The following CNTN5 variants were observed in gnomAD, a reference collection of about 807,000 sequenced individuals.
CNTN5 encodes contactin 5, also known as contactin-5.
In CNTN5, 77 loss-of-function variants were observed where a neutral mutation model predicts 129.1. That is an observed-to-expected ratio of 0.60 (90% CI 0.50 to 0.72). The LOEUF (loss-of-function observed/expected upper bound fraction) is 0.72, where lower values mean the gene tolerates loss of function less well. Among genes scored for constraint, CNTN5 ranks in the 30% least tolerant of loss-of-function variants. The pLI is 0.00. For missense variants in CNTN5, 1,478 were observed against 1,328.8 expected (o/e 1.11, Z -1.75); for synonymous variants, 509 against 465.6 (o/e 1.09, Z -1.20).
intron 13 of CNTN5, among the ~76,000 whole-genome samples, chr11:100,080,229 A>C (rs1352076513): frequency 6.6e-6 from 1 of 152,176 alleles, no homozygotes; most frequent in East Asian, 1.9e-4. Flanking sequence ...ACTATAATTC[A>C]AACTGGTGCT....
chr11:99,145,712 T>A (rs1338997992), intron 1 of CNTN5, among the ~76,000 whole-genome samples: 1 of 152,132 alleles, frequency 6.6e-6, no homozygotes, highest in African/African-American at 2.4e-5. Context: ...ACGGCAAGTA[T>A]TACTTACTCT....
chr11:99,448,561 A>AT (rs927938840), intron 2 of CNTN5, among the ~76,000 whole-genome samples: 17 of 151,902 alleles, frequency 1.1e-4, no homozygotes, highest in African/African-American at 3.9e-4. Context: ...TAAAACTGCA[A>AT]TTTTTTGTGA....
At chr11:99,509,883 A>G (rs1206223453) in intron 2 of CNTN5, among the ~76,000 whole-genome samples, 1 of 151,958 alleles carries the variant, frequency 6.6e-6, no homozygotes, top group African/African-American at 2.4e-5. Flanking sequence ...ATAAAAGGTA[A>G]TGCTGCACAG....
At chr11:99,975,168 G>GAT (rs1555170326) in intron 8 of CNTN5, among the ~76,000 whole-genome samples, 1 of 149,516 alleles carries the variant, frequency 6.7e-6, no homozygotes, top group African/African-American at 2.5e-5. Context: ...AGGAGGAAAA[G>GAT]TTTTTTTTTT....
intron 3 of CNTN5, among the ~76,000 whole-genome samples, chr11:99,634,005 A>G (rs947132964): frequency 2.6e-5 from 4 of 152,304 alleles, no homozygotes; most frequent in African/African-American, 7.2e-5. Context: ...AGAGGTTAGC[A>G]TACACTTTGT....
intron 1 of CNTN5, among the ~76,000 whole-genome samples, chr11:99,250,219 A>AATTAACTTACT (rs1227676231): frequency 1.1e-4 from 17 of 152,110 alleles, no homozygotes; most frequent in Admixed American, 1.1e-3. Context: ...TCCAAAAATC[A>AATTAACTTACT]ATTAACTTAC....
At chr11:99,869,586 G>T (rs907290807) in intron 6 of CNTN5, among the ~76,000 whole-genome samples, 1 of 151,960 alleles carries the variant, frequency 6.6e-6, no homozygotes, top group Non-Finnish European at 1.5e-5. Flanking sequence ...TTCTACTTCC[G>T]CTGTATATTG....
chr11:99,265,765 C>T (rs1485016812), intron 1 of CNTN5, among the ~76,000 whole-genome samples: 2 of 152,026 alleles, frequency 1.3e-5, no homozygotes, highest in South Asian at 2.1e-4. Flanking sequence ...TGCTCCCCAC[C>T]GATCACCATA....
intron 4 of CNTN5, among the ~76,000 whole-genome samples, chr11:99,825,263 T>G (rs1145404): frequency 1.3e-5 from 2 of 151,676 alleles, no homozygotes. Flanking sequence ...GTTTTCTATA[T>G]GTAATTCCTC....
At chr11:99,971,567 A>C (rs1951254974) in intron 8 of CNTN5, among the ~76,000 whole-genome samples, 1 of 151,582 alleles carries the variant, frequency 6.6e-6, no homozygotes, top group African/African-American at 2.4e-5. Context: ...AAAACAAACA[A>C]ACAAAAAACT....
chr11:99,249,208 A>G (rs957821626), intron 1 of CNTN5, among the ~76,000 whole-genome samples: 29 of 151,982 alleles, frequency 1.9e-4, no homozygotes, highest in Non-Finnish European at 4.4e-5. Flanking sequence ...ATTCCTAGGT[A>G]TTTTATTCTC....
At chr11:100,137,194 A>G (rs1463965518) in intron 13 of CNTN5, among the ~76,000 whole-genome samples, 1 of 152,088 alleles carries the variant, frequency 6.6e-6, no homozygotes, top group Non-Finnish European at 1.5e-5. Flanking sequence ...CTTCCATCAC[A>G]TGTGTCAAAT....
chr11:99,949,217 A>G (rs562383605), intron 7 of CNTN5, among the ~76,000 whole-genome samples: 4 of 152,326 alleles, frequency 2.6e-5, no homozygotes, highest in African/African-American at 7.2e-5. Flanking sequence ...ATGAAAGACA[A>G]TAAGTATCTA....
At position 99,264,087 on chromosome 11, in the gene CNTN5, A is replaced by G. The variant is rs1862769880; in HGVS notation, c.-209-61259A>G. Among the ~76,000 whole-genome samples, 5 of 152,082 alleles carry G rather than the reference A, an allele frequency of 3.3e-5. No individual in the cohort carries two copies. The South Asian group carries it at 1.0e-3, about 32-fold the overall frequency. On this transcript the variant is annotated intron_variant, in intron 1 of 24. Transcript: ENST00000524871. ...AAAAATATCAGTTACACACTTCAAT[A>G]AAAATACAGATATTCTATAATTTTC...
At chr11:99,310,332 A>G (rs959368795) in intron 1 of CNTN5, among the ~76,000 whole-genome samples, 2 of 152,186 alleles carry the variant, frequency 1.3e-5, no homozygotes, top group Non-Finnish European at 2.9e-5. Context: ...AAATGTTATG[A>G]ACTATAAACA....
At chr11:100,030,231 A>G (rs1208656519) in intron 9 of CNTN5, among the ~76,000 whole-genome samples, 1 of 151,724 alleles carries the variant, frequency 6.6e-6, no homozygotes, top group East Asian at 1.9e-4. Context: ...AAAAAATTAA[A>G]GACTAGCTAT....
intron 3 of CNTN5, among the ~76,000 whole-genome samples, chr11:99,773,088 C>T (rs893271923): frequency 1.3e-5 from 2 of 152,020 alleles, no homozygotes; most frequent in African/African-American, 4.8e-5. Context: ...GGAACATTAT[C>T]AGTATTCAAA....
At chr11:99,623,745 AAAT>A (rs1366005216) in intron 3 of CNTN5, among the ~76,000 whole-genome samples, 1 of 151,530 alleles carries the variant, frequency 6.6e-6, no homozygotes, top group Non-Finnish European at 1.5e-5. Flanking sequence ...AAGATACAAA[AAAT>A]AAAAAAAAAA....
At chr11:100,135,795 T>C (rs1946503406) in intron 13 of CNTN5, among the ~76,000 whole-genome samples, 1 of 152,122 alleles carries the variant, frequency 6.6e-6, no homozygotes, top group African/African-American at 2.4e-5. Flanking sequence ...TGGTATTATT[T>C]TGTAATTCTT....
Sources: allele counts gnomAD v4.1 joint callset (sites outside exome capture counted in the v4.1 genomes callset), GRCh38; gene constraint gnomAD v4.1.1; transcripts MANE v1.5; gene names NCBI Gene and HGNC (gene_info 2026-07-23, HGNC 2026-07-21).